GRIK4: variants seen among roughly 807,000 people sequenced by gnomAD.
GRIK4 encodes glutamate ionotropic receptor kainate type subunit 4, also known as glutamate receptor ionotropic, kainate 4.
In GRIK4, 40 loss-of-function variants were observed where a neutral mutation model predicts 104.9. The ratio of observed to expected loss-of-function variants is 0.38; its 90% CI spans 0.30 to 0.50. GRIK4 has a LOEUF of 0.50. GRIK4 is among the 20% of genes least tolerant of loss of function. The pLI is 0.93. For missense variants in GRIK4, 1,047 were observed against 1,308.1 expected, an observed-to-expected ratio of 0.80 and a Z score of 3.08; for synonymous variants, 485 against 524.9, an observed-to-expected ratio of 0.92 and a Z score of 1.04.
intron 3 of GRIK4, among the ~76,000 whole-genome samples, chr11:120,709,528 A>G (rs906118231): frequency 2.6e-5 from 4 of 152,188 alleles, no homozygotes; most frequent in African/African-American, 4.8e-5. Flanking sequence ...GCAAATGCTG[A>G]CTAGCTTATA....
chr11:120,740,079 A>T (rs916530547), intron 3 of GRIK4, among the ~76,000 whole-genome samples: 1 of 152,218 alleles, frequency 6.6e-6, no homozygotes, highest in South Asian at 2.1e-4. Flanking sequence ...TGTGGACTAC[A>T]TGGACAATTG....
At chr11:120,686,538 G>A (rs1221290349) in intron 3 of GRIK4, among the ~76,000 whole-genome samples, 2 of 152,186 alleles carry the variant, frequency 1.3e-5, no homozygotes, top group South Asian at 4.1e-4. Context: ...TACCATACCA[G>A]GGAAGCTCAC....
In GRIK4 at chr11:120,524,906, G is replaced by C. The variant is rs965746246; in HGVS notation, c.-159+13019G>C. 3.3e-5 allele frequency among the ~76,000 whole-genome samples: 5 copies of C among 152,182 alleles called. No homozygotes were observed. The highest frequency in any genetic ancestry group is 7.4e-5 in the Non-Finnish European group (5 of 68,024). The stretch of plus-strand genomic sequence containing the variant: ...TTGTGTGGGGATGACAGAGGTCCCT[G>C]CGGTCTGCAGGGTGAGCTGAGGTCC... On this transcript the variant is annotated intron_variant, in intron 1 of 20. Transcript: ENST00000527524. This position sits in a 1 kb window ranked among gnomAD's most constrained non-coding sequence, Gnocchi z 4.5.
intron 6 of GRIK4, among the ~76,000 whole-genome samples, chr11:120,820,828 C>G (rs895947652): frequency 6.6e-6 from 1 of 152,210 alleles, no homozygotes; most frequent in Non-Finnish European, 1.5e-5. Context: ...ATACAAAAGC[C>G]ACCTCTCTAT....
At chr11:120,759,434 C>G (rs941270285) in intron 3 of GRIK4, among the ~76,000 whole-genome samples, 1 of 152,146 alleles carries the variant, frequency 6.6e-6, no homozygotes, top group Non-Finnish European at 1.5e-5. Context: ...TCAGCTTTCT[C>G]CCAAGATTGG....
At chr11:120,688,970 A>G (rs540887515) in intron 3 of GRIK4, among the ~76,000 whole-genome samples, 3 of 152,274 alleles carry the variant, frequency 2.0e-5, no homozygotes, top group Non-Finnish European at 2.9e-5. Flanking sequence ...GATAAAGACC[A>G]AAGTCCTACC....
intron 3 of GRIK4, among the ~76,000 whole-genome samples, chr11:120,665,498 T>A (rs1346726735): frequency 6.6e-6 from 1 of 152,224 alleles, no homozygotes; most frequent in African/African-American, 2.4e-5. Context: ...AGGCTGTGTC[T>A]TTCTTATTCA....
At chr11:120,803,876 G>A (rs1293394633) in intron 4 of GRIK4, among the ~76,000 whole-genome samples, 1 of 152,218 alleles carries the variant, frequency 6.6e-6, no homozygotes, top group East Asian at 1.9e-4. Flanking sequence ...TCTCACCTAA[G>A]TGTTAAGTGT....
intron 3 of GRIK4, among the ~76,000 whole-genome samples, chr11:120,787,747 G>A (rs1952310872): frequency 6.6e-6 from 1 of 151,742 alleles, no homozygotes; most frequent in Non-Finnish European, 1.5e-5. Flanking sequence ...ACAGGTGTGA[G>A]CCACCGCACC....
intron 1 of GRIK4, among the ~76,000 whole-genome samples, chr11:120,599,650 G>T (rs1441829707): frequency 2.0e-5 from 3 of 152,222 alleles, no homozygotes; most frequent in East Asian, 3.8e-4. Context: ...CGTTTTCAGT[G>T]CAGAAAGTAC....
intron 3 of GRIK4, among the ~76,000 whole-genome samples, chr11:120,744,988 T>A (rs948029): frequency 0.76 from 115,053 of 152,092 alleles, 43,790 homozygotes; most frequent in Middle Eastern, 0.85. Context: ...ACGGTGGTAA[T>A]TAAATTTGTG....
At chr11:120,667,400 A>C (rs1221710565) in intron 3 of GRIK4, among the ~76,000 whole-genome samples, 1 of 152,244 alleles carries the variant, frequency 6.6e-6, no homozygotes, top group Non-Finnish European at 1.5e-5. Flanking sequence ...AGAGCTGGAG[A>C]AGCACAGGCA....
chr11:120,900,148 G>A (rs1341760514), intron 12 of GRIK4, among the ~76,000 whole-genome samples: 3 of 152,218 alleles, frequency 2.0e-5, no homozygotes, highest in Admixed American at 1.3e-4. Flanking sequence ...GGGCATTGAC[G>A]ATGGGCTCTG....
At chr11:120,786,597 C>T (rs1952281872) in intron 3 of GRIK4, among the ~76,000 whole-genome samples, 2 of 152,018 alleles carry the variant, frequency 1.3e-5, no homozygotes, top group East Asian at 1.9e-4. Flanking sequence ...CTGGCTGTGC[C>T]CTGAGGCTGC....
chr11:120,606,967 C>T (rs1486509093), intron 1 of GRIK4, among the ~76,000 whole-genome samples: 1 of 151,986 alleles, frequency 6.6e-6, no homozygotes, highest in East Asian at 1.9e-4. Context: ...TTAGGGTGGC[C>T]AGGAGGTAAG....
chr11:120,567,880 A>G (rs1276185265), intron 1 of GRIK4, among the ~76,000 whole-genome samples: 2 of 152,222 alleles, frequency 1.3e-5, no homozygotes. Flanking sequence ...ATAGTTGTCT[A>G]GCATAAAATC....
chr11:120,537,550 A>G (rs1006377631), intron 1 of GRIK4, among the ~76,000 whole-genome samples: 3 of 152,172 alleles, frequency 2.0e-5, no homozygotes. Context: ...GGATGCCCAC[A>G]GTGAAGGAAG....
chr11:120,722,577 C>T (rs916122220), intron 3 of GRIK4, among the ~76,000 whole-genome samples: 3 of 151,534 alleles, frequency 2.0e-5, no homozygotes, highest in Non-Finnish European at 4.4e-5. Context: ...CATTGTACTC[C>T]AGCCTCCAGC....
chr11:120,975,524 G>T (rs1004110329), intron 19 of GRIK4, among the ~76,000 whole-genome samples: 2 of 152,172 alleles, frequency 1.3e-5, no homozygotes, highest in African/African-American at 2.4e-5. Flanking sequence ...AACAAAGCAG[G>T]TCACAATTGT....
Sources: gnomAD v4.1 joint callset for allele counts (sites outside exome capture counted in the v4.1 genomes callset) on GRCh38, gnomAD v4.1.1 for gene constraint, Gnocchi (gnomAD v3.1) non-coding constraint, MANE v1.5 for transcripts, NCBI Gene and HGNC (gene_info 2026-07-23, HGNC 2026-07-21) for gene names.